The following TPPP variants were observed in gnomAD, a reference collection of about 807,000 sequenced individuals.
TPPP encodes tubulin polymerization promoting protein, also known as tubulin polymerization-promoting protein.
TPPP carries 6 observed loss-of-function variants against 15.5 expected under a neutral mutation model. The observed-to-expected ratio is 0.39, with a 90% CI of 0.21 to 0.77. The LOEUF is 0.77. TPPP is among the 30% of genes least tolerant of loss of function. TPPP has a pLI of 0.42. For missense variants in TPPP, 269 were observed against 307.2 expected, an observed-to-expected ratio of 0.88 and a Z score of 0.93; for synonymous variants, 146 against 133.9, an observed-to-expected ratio of 1.09 and a Z score of -0.63.
intron 2 of TPPP, among the ~76,000 whole-genome samples, chr5:674,362 G>T (rs563844962): frequency 4.6e-5 from 7 of 152,176 alleles, no homozygotes; most frequent in African/African-American, 2.4e-5. Flanking sequence ...GGGCACAGGG[G>T]CCCTGGCAGC....
the TPPP span, among the ~76,000 whole-genome samples, chr5:698,809 T>C: frequency 6.6e-6 from 1 of 151,970 alleles, no homozygotes; most frequent in Non-Finnish European, 1.5e-5. Flanking sequence ...ATTTGATAAA[T>C]AAATTCAGTA....
chr5:668,569 G>A (rs554267563), intron 2 of TPPP, among the ~76,000 whole-genome samples: 58 of 152,346 alleles, frequency 3.8e-4, no homozygotes, highest in African/African-American at 1.3e-3. Flanking sequence ...CCGGCACCTC[G>A]AGCTGAGCAG....
chr5:677,101 G>A (rs1056893801), intron 2 of TPPP, among the ~76,000 whole-genome samples: 4 of 152,256 alleles, frequency 2.6e-5, no homozygotes, highest in Non-Finnish European at 4.4e-5. Flanking sequence ...AAAAGCAAAC[G>A]GCACGATGCG....
In TPPP at chr5:685,786, G is replaced by A. The variant is rs377570121; in HGVS notation, c.-5+7492C>T. Among the ~76,000 whole-genome samples, 8 of 152,344 alleles carry A rather than the reference G, an allele frequency of 5.3e-5. No homozygotes were observed. In the South Asian group the frequency reaches 1.2e-3, roughly 24 times the overall value. ...CACCAGAGCCCATCTGCACTCAGGTGTAGGGATGAGAAGGCGGGGCAGTCT... is the reference window on the plus strand; with the variant it reads ...CACCAGAGCCCATCTGCACTCAGGTATAGGGATGAGAAGGCGGGGCAGTCT... On this transcript the variant is annotated intron_variant, in intron 1 of 3. Transcript: ENST00000360578.
chr5:672,795 C>G (rs1016448481), intron 2 of TPPP, among the ~76,000 whole-genome samples: 1 of 152,384 alleles, frequency 6.6e-6, no homozygotes, highest in South Asian at 2.1e-4. Flanking sequence ...TGCCACCGCA[C>G]GCTCTTTGCA....
At chr5:693,174 G>C (rs1301274384) in intron 1 of TPPP, 104 bp downstream of exon 1, 31 of 120,774 alleles carry the variant, frequency 2.6e-4, no homozygotes, top group African/African-American at 8.9e-4. Flanking sequence ...AGCGCGGGGG[G>C]CAGGGGCTGC....
At chr5:699,936 A>G in the TPPP span, among the ~76,000 whole-genome samples, 4 of 151,846 alleles carry the variant, frequency 2.6e-5, no homozygotes, top group Non-Finnish European at 5.9e-5. Flanking sequence ...ATTAAAGTCT[A>G]AAAGTAAGAG....
chr5:670,725 G>C (rs1230494290), intron 2 of TPPP, among the ~76,000 whole-genome samples: 1 of 152,190 alleles, frequency 6.6e-6, no homozygotes, highest in Non-Finnish European at 1.5e-5. Context: ...CCCCATGCCT[G>C]TTGGCCGCCC....
At chr5:698,434 G>GC in the TPPP span, among the ~76,000 whole-genome samples, 1 of 152,014 alleles carries the variant, frequency 6.6e-6, no homozygotes, top group Non-Finnish European at 1.5e-5. Context: ...TTGTATCACT[G>GC]CTGGTAAAGA....
At chr5:678,912 A>G (rs1035127458) in intron 1 of TPPP, among the ~76,000 whole-genome samples, 21 of 152,156 alleles carry the variant, frequency 1.4e-4, no homozygotes, top group African/African-American at 4.3e-4. Flanking sequence ...CCTACCATGC[A>G]TGGGCTTCGG....
At chr5:681,049 AAC>A (rs1245487892) in intron 1 of TPPP, among the ~76,000 whole-genome samples, 6 of 152,114 alleles carry the variant, frequency 3.9e-5, no homozygotes, top group Non-Finnish European at 4.4e-5. Context: ...ATTTTGAGAG[AAC>A]ATGGAGGTGT....
intron 2 of TPPP, among the ~76,000 whole-genome samples, chr5:674,735 G>A (rs1004459262): frequency 6.6e-6 from 1 of 151,910 alleles, no homozygotes; most frequent in African/African-American, 2.4e-5. Context: ...TTTCCAGCAG[G>A]GGATGGCAGG....
At chr5:672,619 G>C (rs1740263197) in intron 2 of TPPP, among the ~76,000 whole-genome samples, 1 of 152,226 alleles carries the variant, frequency 6.6e-6, no homozygotes, top group South Asian at 2.1e-4. Context: ...GGAGGCAGCA[G>C]CTGAGCCTGA....
chr5:679,394 C>CAT (rs1197243957), intron 1 of TPPP, among the ~76,000 whole-genome samples: 2 of 103,936 alleles, frequency 1.9e-5, no homozygotes, highest in African/African-American at 9.5e-5. Context: ...GGCTGGGCCG[C>CAT]GTGGGGGCAG....
chr5:665,666 C>T (rs557188772), intron 3 of TPPP, among the ~76,000 whole-genome samples: 3 of 141,888 alleles, frequency 2.1e-5, no homozygotes, highest in South Asian at 2.4e-4. Context: ...CAGGCCACGC[C>T]GACCTGGCCA....
chr5:671,562 G>A (rs762221564), intron 2 of TPPP, among the ~76,000 whole-genome samples: 21 of 152,230 alleles, frequency 1.4e-4, no homozygotes, highest in Non-Finnish European at 5.9e-5. Context: ...CTGGCCAAGC[G>A]CAGGAGACGG....
At chr5:675,213 C>A (rs66914035) in intron 2 of TPPP, among the ~76,000 whole-genome samples, 1 of 44,992 alleles carries the variant, frequency 2.2e-5, no homozygotes, top group Admixed American at 3.2e-4. Context: ...TCAGTGTAGC[C>A]GGGGGTGCAG....
intron 2 of TPPP, among the ~76,000 whole-genome samples, chr5:667,820 A>C (rs1369148750): frequency 2.9e-5 from 4 of 140,314 alleles, no homozygotes; most frequent in Non-Finnish European, 6.2e-5. Context: ...TCAGGGAAGT[A>C]CAGACAAGCA....
chr5:668,160 G>A (rs565081235), intron 2 of TPPP, among the ~76,000 whole-genome samples: 1 of 127,684 alleles, frequency 7.8e-6, no homozygotes, highest in Non-Finnish European at 1.7e-5. Context: ...GGGAAGTACC[G>A]ACAAGCACAC....
Sources: gnomAD v4.1 joint callset for allele counts (sites outside exome capture counted in the v4.1 genomes callset) on GRCh38, gnomAD v4.1.1 for gene constraint, MANE v1.5 for transcripts, NCBI Gene and HGNC (gene_info 2026-07-23, HGNC 2026-07-21) for gene names.